ADGRL3: variants seen among roughly 807,000 people sequenced by gnomAD.
ADGRL3 encodes adhesion G protein-coupled receptor L3.
A neutral mutation model predicts 153.5 loss-of-function variants in ADGRL3; 62 were observed. The observed-to-expected ratio is 0.40, with a 90% CI of 0.33 to 0.50. The LOEUF (loss-of-function observed/expected upper bound fraction) is 0.50, where lower values mean the gene tolerates loss of function less well. ADGRL3 is among the 20% of genes least tolerant of loss of function. ADGRL3 has a pLI of 0.47. For missense variants in ADGRL3, 1,641 were observed against 1,859.4 expected, an observed-to-expected ratio of 0.88 and a Z score of 2.16; for synonymous variants, 710 against 672.5, an observed-to-expected ratio of 1.06 and a Z score of -0.86.
At chr4:61,639,545 T>C (rs1028969385) in intron 5 of ADGRL3, among the ~76,000 whole-genome samples, 1 of 152,142 alleles carries the variant, frequency 6.6e-6, no homozygotes, top group African/African-American at 2.4e-5. Context: ...AGGGTGACTA[T>C]AAATTAAAAT....
At chr4:61,438,198 A>G (rs917877430) in intron 2 of ADGRL3, among the ~76,000 whole-genome samples, 1 of 152,142 alleles carries the variant, frequency 6.6e-6, no homozygotes, top group Non-Finnish European at 1.5e-5. Context: ...TGAATATGAC[A>G]TGGGTGAAAG....
chr4:62,006,430 G>A (rs1174059111), intron 21 of ADGRL3, among the ~76,000 whole-genome samples: 1 of 151,966 alleles, frequency 6.6e-6, no homozygotes, highest in African/African-American at 2.4e-5. Context: ...AGAAAACTGT[G>A]GAGGTTTCAC....
At chr4:61,831,838 G>A (rs1297038102) in intron 9 of ADGRL3, among the ~76,000 whole-genome samples, 5 of 152,096 alleles carry the variant, frequency 3.3e-5, no homozygotes, top group African/African-American at 7.2e-5. Flanking sequence ...TCAAGACTGC[G>A]GTCTTTTACA....
chr4:61,299,510 T>C (rs181229407), intron 1 of ADGRL3, among the ~76,000 whole-genome samples: 1 of 152,214 alleles, frequency 6.6e-6, no homozygotes, highest in Non-Finnish European at 1.5e-5. Flanking sequence ...AAGTCACATA[T>C]GGAATTAGAG....
intron 1 of ADGRL3, among the ~76,000 whole-genome samples, chr4:61,301,009 C>T (rs1175694512): frequency 3.9e-5 from 6 of 152,118 alleles, no homozygotes; most frequent in Admixed American, 6.5e-5. Context: ...GTGATCCACC[C>T]GCCTCGGGCT....
At chr4:61,850,943 TC>T (rs1378813013) in intron 9 of ADGRL3, among the ~76,000 whole-genome samples, 2 of 152,120 alleles carry the variant, frequency 1.3e-5, no homozygotes, top group Non-Finnish European at 1.5e-5. Flanking sequence ...GCAATCATCT[TC>T]CCCAATGGCA....
intron 1 of ADGRL3, among the ~76,000 whole-genome samples, chr4:61,323,077 T>C (rs1459738119): frequency 1.3e-5 from 2 of 152,204 alleles, no homozygotes; most frequent in African/African-American, 4.8e-5. Context: ...AGTCATAGGC[T>C]TAACACCACA....
intron 3 of ADGRL3, among the ~76,000 whole-genome samples, chr4:61,504,344 T>A (rs1374047339): frequency 1.3e-5 from 2 of 151,958 alleles, no homozygotes; most frequent in East Asian, 1.9e-4. Context: ...TCATTCAGAA[T>A]TTTTTTAAAA....
intron 9 of ADGRL3, among the ~76,000 whole-genome samples, chr4:61,856,958 T>TTCTC (rs1255752041): frequency 3.0e-5 from 2 of 66,406 alleles, no homozygotes; most frequent in African/African-American, 1.1e-4. Flanking sequence ...TTCTCTTTCT[T>TTCTC]TCTTTCTTTC....
At chr4:61,387,630 G>T (rs1322386927) in intron 2 of ADGRL3, among the ~76,000 whole-genome samples, 3 of 152,112 alleles carry the variant, frequency 2.0e-5, no homozygotes, top group Non-Finnish European at 4.4e-5. Flanking sequence ...ATACAGCTCT[G>T]TTCCGCCTGG....
intron 6 of ADGRL3, among the ~76,000 whole-genome samples, chr4:61,699,579 G>A (rs2095709893): frequency 6.6e-6 from 1 of 151,988 alleles, no homozygotes; most frequent in African/African-American, 2.4e-5. Context: ...TTTAAAGGAA[G>A]AAAAATCACT....
intron 1 of ADGRL3, among the ~76,000 whole-genome samples, chr4:61,313,064 C>A (rs962387835): frequency 2.6e-5 from 4 of 151,838 alleles, no homozygotes; most frequent in Non-Finnish European, 5.9e-5. Context: ...GCTATGAAAC[C>A]ACAAAAAAAG....
At chr4:61,834,320 C>G (rs1241982462) in intron 9 of ADGRL3, among the ~76,000 whole-genome samples, 2 of 152,066 alleles carry the variant, frequency 1.3e-5, no homozygotes, top group African/African-American at 4.8e-5. Flanking sequence ...CATAGTATTC[C>G]ATGGTGTATG....
chr4:62,019,816 T>C (rs992449270), intron 21 of ADGRL3, among the ~76,000 whole-genome samples: 6 of 152,270 alleles, frequency 3.9e-5, no homozygotes, highest in Middle Eastern at 3.4e-3. Flanking sequence ...ATTCAGAGTA[T>C]ACTTCAAAAG....
chr4:61,457,391 AG>A (rs911376399), intron 2 of ADGRL3, among the ~76,000 whole-genome samples: 1 of 151,992 alleles, frequency 6.6e-6, no homozygotes, highest in Non-Finnish European at 1.5e-5. Flanking sequence ...TCATACATTA[AG>A]AAAAAATGGA....
intron 2 of ADGRL3, among the ~76,000 whole-genome samples, chr4:61,440,799 G>C (rs1470802757): frequency 6.6e-6 from 1 of 152,088 alleles, no homozygotes; most frequent in African/African-American, 2.4e-5. Flanking sequence ...AGTAGTAATG[G>C]TGGTAATGAT....
intron 25 of ADGRL3, among the ~76,000 whole-genome samples, chr4:62,060,911 C>A (rs568644088): frequency 5.9e-5 from 9 of 151,970 alleles, no homozygotes; most frequent in African/African-American, 2.2e-4. Flanking sequence ...ATATTGAACA[C>A]TTAGAAAGTG....
intron 7 of ADGRL3, 89 bp from the exon 8 acceptor site, chr4:61,732,665 A>G: frequency 3.3e-6 from 2 of 609,718 alleles, no homozygotes; most frequent in Non-Finnish European, 5.0e-6. Context: ...CTCTTGTTAG[A>G]GTTGCATTCC....
chr4:61,948,075 T>G, intron 16 of ADGRL3, 25 bp from the exon 17 acceptor site: 1 of 1,587,028 alleles, frequency 6.3e-7, no homozygotes, highest in Non-Finnish European at 8.6e-7. Context: ...AGTTGTTGAT[T>G]TTATGGATTT....
Sources: gnomAD v4.1 joint callset for allele counts (sites outside exome capture counted in the v4.1 genomes callset) on GRCh38, gnomAD v4.1.1 for gene constraint, MANE v1.5 for transcripts, NCBI Gene and HGNC (gene_info 2026-07-23, HGNC 2026-07-21) for gene names.